Variants in MLLT1 observed in about 807,000 individuals in gnomAD.
The protein encoded by MLLT1 is protein ENL.
Under a neutral mutation model 55.1 loss-of-function variants are expected in MLLT1, and 11 were observed. The ratio of observed to expected loss-of-function variants is 0.20; its 90% CI spans 0.13 to 0.33. The LOEUF is 0.33. Among genes scored for constraint, MLLT1 ranks in the 10% least tolerant of loss-of-function variants. The pLI is 1.00. For missense variants in MLLT1, 536 were observed against 760.6 expected, an observed-to-expected ratio of 0.70 and a Z score of 3.47; for synonymous variants, 323 against 320.1, an observed-to-expected ratio of 1.01 and a Z score of -0.10.
chr19:6,247,560 G>C (rs1254379756), intron 3 of MLLT1, among the ~76,000 whole-genome samples: 1 of 152,178 alleles, frequency 6.6e-6, no homozygotes, highest in South Asian at 2.1e-4. Context: ...GAAGAGAAGG[G>C]ACGGCTCTTC....
chr19:6,231,112 C>T lies in MLLT1; in HGVS notation c.277-399G>A, dbSNP rs563584353. Among the ~76,000 whole-genome samples, 12 of 152,342 alleles carry T rather than the reference C, an allele frequency of 7.9e-5. 1 individual carries two copies. The South Asian group carries it at 1.7e-3, about 21-fold the overall frequency. On this transcript the variant is annotated intron_variant, in intron 3 of 11. Transcript: ENST00000252674. This position sits in a 1 kb window ranked among gnomAD's most constrained non-coding sequence, Gnocchi z 5.1. ...CCACAATCTCACCACCTCTATTCCC[C>T]ACTTCCTTTGCAGCCAGGGCCAAGC... is the stretch of plus-strand genomic sequence containing the variant.
At chr19:6,266,644 A>G (rs2091351626) in intron 2 of MLLT1, among the ~76,000 whole-genome samples, 1 of 152,038 alleles carries the variant, frequency 6.6e-6, no homozygotes, top group Non-Finnish European at 1.5e-5. Context: ...TTTAGTAGAG[A>G]TGGGGTTTCA....
chr19:6,226,978 T>C lies in MLLT1; in HGVS notation c.545A>G (p.Lys182Arg). The C allele has an allele frequency of 6.3e-7, 1 of 1,596,436 alleles. No homozygotes were observed. The highest frequency in any genetic ancestry group is 8.5e-7 in the Non-Finnish European group (1 of 1,172,632). ...PKKTKPSHGSKDANKESSKTS... is the reference protein window; with the variant it reads ...PKKTKPSHGSRDANKESSKTS... ...GACTGGGCCTTCCGCCTCACTAACC[T>C]TGGAGCCGTGGGATGGTTTGGTCTT... Residue 182 changes from lysine to arginine, a missense_variant and splice_region_variant, in exon 5 of 12, where the codon AAG becomes AGG. Lys to Arg is a conservative substitution (Grantham distance 26, BLOSUM62 2). Around this residue, in one of 3 missense-constraint regions of MLLT1, gnomAD observed 449 missense variants for 489.0 expected, o/e 0.92. Transcript: ENST00000252674. This position sits in a 1 kb window ranked among gnomAD's most constrained non-coding sequence, Gnocchi z 6.3.
chr19:6,258,766 A>G (rs1600209846), intron 3 of MLLT1, among the ~76,000 whole-genome samples: 1 of 152,328 alleles, frequency 6.6e-6, no homozygotes, highest in East Asian at 1.9e-4. Flanking sequence ...CCGGTCTTAG[A>G]GCCACACTCG....
rs1277654721 is a variant in MLLT1, at chr19:6,270,459, G to A, written c.193+120C>T. The stretch of plus-strand genomic sequence containing the variant: ...AGTGCCCCCACGCCGAGGGACGCAA[G>A]CTGGAACCTCATGGTTGGAGGGGTC... On this transcript the variant is annotated intron_variant, in intron 2 of 11. Coordinates refer to ENST00000252674, the MANE Select transcript of MLLT1 (RefSeq NM_005934.4). This position sits in a 1 kb window ranked among gnomAD's most constrained non-coding sequence, Gnocchi z 7.1. The A allele has an allele frequency of 8.1e-6, 9 of 1,106,336 alleles. No homozygotes were observed. The highest frequency in any genetic ancestry group is 1.1e-5 in the Non-Finnish European group (9 of 790,358). 68.5% of individuals were successfully genotyped at this position (1,106,336 alleles called of 1,614,324 possible). A position where few individuals can be genotyped will look rare whatever the true frequency, so the allele number is the denominator to read the frequency against.
At chr19:6,276,608 C>T (rs1201344910) in intron 1 of MLLT1, among the ~76,000 whole-genome samples, 1 of 152,098 alleles carries the variant, frequency 6.6e-6, no homozygotes, top group Non-Finnish European at 1.5e-5. Flanking sequence ...CAGGCCCTTT[C>T]CCAATCTCTT....
At chr19:6,260,652 G>A (rs571762899) in intron 3 of MLLT1, among the ~76,000 whole-genome samples, 11 of 152,386 alleles carry the variant, frequency 7.2e-5, no homozygotes, top group Admixed American at 2.6e-4. Flanking sequence ...GCTGAAGGCC[G>A]TGTCAGGGAC....
rs984518270 is a variant in MLLT1, at chr19:6,262,133, G to A, written c.276+95C>T. 14 of 932,362 alleles carry A rather than the reference G, an allele frequency of 1.5e-5. No homozygotes were observed. The highest frequency in any genetic ancestry group is 6.6e-5 in the South Asian group (5 of 75,202). 57.8% of individuals were successfully genotyped at this position (932,362 alleles called of 1,614,324 possible). On this transcript the variant is annotated intron_variant, in intron 3 of 11. Coordinates refer to ENST00000252674, the MANE Select transcript of MLLT1 (RefSeq NM_005934.4). This position sits in a 1 kb window ranked among gnomAD's most constrained non-coding sequence, Gnocchi z 4.4. Reference sequence around the variant, plus strand: ...ACTGGAATGTCTGTGCATGGGCAGCGGCCAGTTCTCTGGCCTGTTTTGTGA... The same window carrying A: ...ACTGGAATGTCTGTGCATGGGCAGCAGCCAGTTCTCTGGCCTGTTTTGTGA...
intron 2 of MLLT1, among the ~76,000 whole-genome samples, chr19:6,264,259 C>G (rs1303656486): frequency 2.0e-5 from 3 of 151,902 alleles, no homozygotes; most frequent in African/African-American, 7.3e-5. Flanking sequence ...CTCCCCACCC[C>G]AGGAAGTTTC....
chr19:6,211,765 T>G lies in MLLT1; in HGVS notation c.*1277A>C, dbSNP rs2090774609. 8 of 1,064,358 alleles carry G rather than the reference T, an allele frequency of 7.5e-6. No homozygotes were observed. The highest frequency in any genetic ancestry group is 9.1e-6 in the Non-Finnish European group (8 of 878,734). The allele number at this position is 1,064,358 out of a possible 1,614,324, so 65.9% of individuals were successfully genotyped here. Reference sequence around the variant, plus strand: ...CCTGGGACCCCCAGCCACGATGGGCTGGCTCCGCGGGAGCGTCCTGGCCCT... The same window carrying G: ...CCTGGGACCCCCAGCCACGATGGGCGGGCTCCGCGGGAGCGTCCTGGCCCT... On this transcript the variant is annotated 3_prime_UTR_variant, in exon 12 of 12. Transcript: ENST00000252674. The surrounding 1 kb of genome is among the most constrained non-coding windows in gnomAD (Gnocchi z 4.6).
rs2144858903 is a variant in MLLT1 at position 6,222,036 on chromosome 19, C to CA, written c.1110+84_1110+85insT. On this transcript the variant is annotated intron_variant, in intron 6 of 11. Coordinates refer to ENST00000252674, the MANE Select transcript of MLLT1 (RefSeq NM_005934.4). The surrounding 1 kb of genome is among the most constrained non-coding windows in gnomAD (Gnocchi z 4.1). ...TGAGACCTGAGGTCCTGGCTCAGAT[C>CA]CCACCTCCTTCCGCTGTTCCAGAAG... 8.2e-7 allele frequency: 1 copy of CA among 1,224,940 alleles called. No individual in the cohort carries two copies. Among genetic ancestry groups the CA allele is most frequent in the South Asian group, 2.1e-5 (1 of 48,304 alleles). The allele number at this position is 1,224,940 out of a possible 1,614,324, so 75.9% of individuals were successfully genotyped here. A position where few individuals can be genotyped will look rare whatever the true frequency, so the allele number is the denominator to read the frequency against.
At position 6,227,142 on chromosome 19, in the gene MLLT1, G is replaced by C; in HGVS notation, c.421-40C>G. On this transcript the variant is annotated intron_variant, in intron 4 of 11. Coordinates refer to ENST00000252674, the MANE Select transcript of MLLT1 (RefSeq NM_005934.4). The surrounding 1 kb of genome is among the most constrained non-coding windows in gnomAD (Gnocchi z 5.1). Reference sequence around the variant, plus strand: ...GAGACAGTCATTATCGATGGGCAGGGGGCAGGGGGCCCACACGGGCCGGGC... The same window carrying C: ...GAGACAGTCATTATCGATGGGCAGGCGGCAGGGGGCCCACACGGGCCGGGC... The C allele has an allele frequency of 6.4e-7, 1 of 1,569,712 alleles. No individual in the cohort carries two copies.
rs1600181617 is a variant in MLLT1 at position 6,227,903 on chromosome 19, G to T, written c.421-801C>A. Among the ~76,000 whole-genome samples the T allele has an allele frequency of 6.6e-6, 1 of 152,276 alleles. No individual in the cohort carries two copies. The highest frequency in any genetic ancestry group is 1.5e-5 in the Non-Finnish European group (1 of 68,014). On this transcript the variant is annotated intron_variant, in intron 4 of 11. Coordinates refer to ENST00000252674, the MANE Select transcript of MLLT1 (RefSeq NM_005934.4). This position sits in a 1 kb window ranked among gnomAD's most constrained non-coding sequence, Gnocchi z 5.1. ...AGAAAAGCCTCCCAGATGGCCGCAA[G>T]AGAGAACAAAAGAAGAAAATACACT...
rs2091000005 is a variant in MLLT1 at position 6,230,553 on chromosome 19, G to A, written c.420+17C>T. On this transcript the variant is annotated intron_variant, in intron 4 of 11. Transcript: ENST00000252674. The surrounding 1 kb of genome is among the most constrained non-coding windows in gnomAD (Gnocchi z 9.0). ...GGTGGAGCGGCCCCTTGGCGGGCAG[G>A]GGCGGGGCACACTCACCCCGCCGGC... 2.5e-6 allele frequency: 4 copies of A among 1,611,494 alleles called. No homozygotes were observed. Among genetic ancestry groups the A allele is most frequent in the African/African-American group, 1.3e-5 (1 of 74,876 alleles).
intron 8 of MLLT1, among the ~76,000 whole-genome samples, chr19:6,215,905 G>C (rs952923007): frequency 6.6e-6 from 1 of 152,122 alleles, no homozygotes; most frequent in South Asian, 2.1e-4. Flanking sequence ...GATGTGCCTC[G>C]GCACCCCTGT....
intron 3 of MLLT1, among the ~76,000 whole-genome samples, chr19:6,245,803 G>C (rs1057037960): frequency 6.6e-6 from 1 of 152,222 alleles, no homozygotes; most frequent in Non-Finnish European, 1.5e-5. Context: ...GGAGGCTAAG[G>C]CAGGAGGACT....
chr19:6,269,630 T>TGGGTCCC (rs1022086733), intron 2 of MLLT1, among the ~76,000 whole-genome samples: 1 of 152,112 alleles, frequency 6.6e-6, no homozygotes, highest in South Asian at 2.1e-4. Context: ...GCCAGGGTCC[T>TGGGTCCC]GGGTCCCGGG....
intron 3 of MLLT1, among the ~76,000 whole-genome samples, chr19:6,258,353 C>T (rs2091275984): frequency 6.6e-6 from 1 of 152,136 alleles, no homozygotes; most frequent in Admixed American, 6.5e-5. Context: ...CATTTGCAAC[C>T]CCAAACTGAT....
intron 2 of MLLT1, chr19:6,263,335 TCA>T (rs1166343773): frequency 5.3e-5 from 8 of 152,258 alleles, no homozygotes; most frequent in African/African-American, 1.9e-4. Context: ...GGATTTGCTC[TCA>T]GACTCCACCC....
Sources: allele counts gnomAD v4.1 joint callset (sites outside exome capture counted in the v4.1 genomes callset), GRCh38; gene constraint gnomAD v4.1.1; regional missense constraint gnomAD v4.1.1; non-coding constraint Gnocchi (gnomAD v3.1); transcripts MANE v1.5; gene names NCBI Gene and HGNC (gene_info 2026-07-23, HGNC 2026-07-21).